Variants in SUV39H2 observed in about 807,000 individuals in gnomAD.
The protein encoded by SUV39H2 is SUV39H2 histone lysine methyltransferase.
In SUV39H2, 10 loss-of-function variants were observed where a neutral mutation model predicts 47.5. That is an observed-to-expected ratio of 0.21 (90% CI 0.13 to 0.36). SUV39H2 has a LOEUF of 0.36. Among genes scored for constraint, SUV39H2 ranks in the 10% least tolerant of loss-of-function variants. The pLI, the probability that SUV39H2 is intolerant of heterozygous loss-of-function variation, is 1.00. For missense variants in SUV39H2, 266 were observed against 487.4 expected (o/e 0.55, Z 4.28); for synonymous variants, 159 against 166.8 (o/e 0.95, Z 0.36).
chr10:14,902,727 T>C lies in SUV39H2; in HGVS notation c.*215T>C. ...ATGAAGTCGACATATTTATAGTGCT[T>C]AGAGACCAAACTAATGGAAGGCAGA... is the stretch of plus-strand genomic sequence containing the variant. On this transcript the variant is annotated 3_prime_UTR_variant, in exon 6 of 6. Transcript: ENST00000354919. 8.4e-6 allele frequency: 3 copies of C among 357,976 alleles called. No homozygotes were observed. Among genetic ancestry groups the C allele is most frequent in the South Asian group, 9.9e-5 (2 of 20,260 alleles). 22.2% of individuals were successfully genotyped at this position (357,976 alleles called of 1,614,324 possible).
Position 14,897,474 on chromosome 10 carries a change from T to C in SUV39H2, c.806T>C (p.Val269Ala). The C allele has an allele frequency of 6.3e-7, 1 of 1,586,324 alleles. No homozygotes were observed. Among genetic ancestry groups the C allele is most frequent in the Non-Finnish European group, 8.6e-7 (1 of 1,165,482 alleles). Reference sequence around the variant, plus strand: ...CGTGGCTGGGGTGTAAAGACCCTTGTGAAGATTAAAAGAATGAGTTTTGTC... The same window carrying C: ...CGTGGCTGGGGTGTAAAGACCCTTGCGAAGATTAAAAGAATGAGTTTTGTC... ...NGRGWGVKTL[V>A]KIKRMSFVME... The change falls in exon 3 of 6, where the codon GTG becomes GCG. Residue 269 changes from valine to alanine, a missense_variant. Val to Ala is a moderately conservative substitution (Grantham distance 64). Transcript: ENST00000354919.
chr10:14,887,927 G>A (rs553409851), intron 2 of SUV39H2, among the ~76,000 whole-genome samples: 4 of 152,286 alleles, frequency 2.6e-5, no homozygotes, highest in Admixed American at 2.0e-4. Context: ...GGATTTCGAG[G>A]CAGAAGACAG....
chr10:14,879,037 G>A (rs1832957583), intron 1 of SUV39H2, 118 bp downstream of exon 1: 2 of 1,319,042 alleles, frequency 1.5e-6, no homozygotes, highest in Non-Finnish European at 1.9e-6. Context: ...CCCGCCCGCC[G>A]CGACCCCAAC....
intron 2 of SUV39H2, among the ~76,000 whole-genome samples, chr10:14,885,800 A>T (rs1564335354): frequency 6.6e-6 from 1 of 152,104 alleles, no homozygotes; most frequent in Admixed American, 6.5e-5. Flanking sequence ...GAAGGATCTT[A>T]TGACCTTGTC....
intron 3 of SUV39H2, 181 bp downstream of exon 3, chr10:14,897,698 T>G: frequency 2.2e-6 from 1 of 448,546 alleles, no homozygotes; most frequent in Non-Finnish European, 3.6e-6. Flanking sequence ...AAAAAACTTT[T>G]ATATGAATAA....
chr10:14,882,926 C>G (rs891056757), intron 2 of SUV39H2, among the ~76,000 whole-genome samples: 76 of 150,174 alleles, frequency 5.1e-4, no homozygotes, highest in African/African-American at 1.6e-3. Flanking sequence ...GGAGTGCAGT[C>G]GTGCGATCTC....
chr10:14,888,050 C>T (rs922738626), intron 2 of SUV39H2, among the ~76,000 whole-genome samples: 3 of 152,178 alleles, frequency 2.0e-5, no homozygotes, highest in African/African-American at 7.2e-5. Context: ...CCAGAGTGTG[C>T]GGCTCCTCAT....
rs932781206 is a variant in SUV39H2 at position 14,902,619 on chromosome 10, A to G, written c.*107A>G. ...TATTATCAAGGTTCTACCTATGTTA[A>G]TTTACAATTCATGTTTCAAGACATT... On this transcript the variant is annotated 3_prime_UTR_variant, in exon 6 of 6. Coordinates refer to ENST00000354919, the MANE Select transcript of SUV39H2 (RefSeq NM_001193424.2). 1.4e-6 allele frequency: 1 copy of G among 700,288 alleles called. No individual in the cohort carries two copies. The highest frequency in any genetic ancestry group is 2.2e-6 in the Non-Finnish European group (1 of 448,714). 43.4% of individuals were successfully genotyped at this position (700,288 alleles called of 1,614,324 possible).
chr10:14,888,978 G>A (rs186649120), intron 2 of SUV39H2, among the ~76,000 whole-genome samples: 11 of 151,924 alleles, frequency 7.2e-5, no homozygotes, highest in South Asian at 6.2e-4. Context: ...TGGCACATTC[G>A]TGTCATCCCA....
At chr10:14,895,541 T>G (rs533919151) in intron 2 of SUV39H2, among the ~76,000 whole-genome samples, 77 of 152,288 alleles carry the variant, frequency 5.1e-4, no homozygotes, top group African/African-American at 1.8e-3. Flanking sequence ...GAAAACATAG[T>G]CATTGGAGTG....
intron 2 of SUV39H2, among the ~76,000 whole-genome samples, chr10:14,892,640 C>T (rs1205629939): frequency 6.6e-6 from 1 of 151,992 alleles, no homozygotes. Context: ...GGTGATAATG[C>T]CTTAGGTTGC....
intron 2 of SUV39H2, 76 bp from the exon 3 acceptor site, chr10:14,896,770 T>G: frequency 2.3e-6 from 3 of 1,313,898 alleles, no homozygotes; most frequent in Non-Finnish European, 3.1e-6. Context: ...CCTTACTCTT[T>G]AAGATTTTTA....
chr10:14,885,498 T>C (rs1833179440), intron 2 of SUV39H2, among the ~76,000 whole-genome samples: 1 of 152,256 alleles, frequency 6.6e-6, no homozygotes, highest in Admixed American at 6.5e-5. Context: ...CTTACGGGTC[T>C]GTGCTTACAT....
At chr10:14,901,586 C>G (rs1487026522) in intron 5 of SUV39H2, among the ~76,000 whole-genome samples, 2 of 150,408 alleles carry the variant, frequency 1.3e-5, no homozygotes, top group Admixed American at 1.3e-4. Context: ...CATGCTGGCT[C>G]CTGCCTGTAA....
intron 2 of SUV39H2, among the ~76,000 whole-genome samples, chr10:14,886,566 A>G (rs543760107): frequency 3.3e-5 from 5 of 152,346 alleles, no homozygotes; most frequent in African/African-American, 9.6e-5. Flanking sequence ...TCTAGGGCCT[A>G]CATTCACTAT....
intron 2 of SUV39H2, among the ~76,000 whole-genome samples, chr10:14,891,245 G>T (rs990254127): frequency 6.6e-6 from 1 of 152,134 alleles, no homozygotes; most frequent in Non-Finnish European, 1.5e-5. Flanking sequence ...AGCAGCAGGG[G>T]CATCAAAAGG....
At position 14,903,266 on chromosome 10, in the gene SUV39H2, C is replaced by G. The variant is rs1345300008; in HGVS notation, c.*754C>G. ...CTTTGAAAGGACATGATAATGGGAC[C>G]AGGATGGTTTTTTGGAGTACCAAGC... is the stretch of plus-strand genomic sequence containing the variant. On this transcript the variant is annotated 3_prime_UTR_variant, in exon 6 of 6. Transcript: ENST00000354919. 1 of 152,056 alleles carries G rather than the reference C, an allele frequency of 6.6e-6. No individual in the cohort carries two copies. The highest frequency in any genetic ancestry group is 1.9e-4 in the East Asian group (1 of 5,180). 9.4% of individuals were successfully genotyped at this position (152,056 alleles called of 1,614,324 possible).
At chr10:14,886,773 A>G (rs1365838264) in intron 2 of SUV39H2, among the ~76,000 whole-genome samples, 3 of 152,256 alleles carry the variant, frequency 2.0e-5, no homozygotes, top group African/African-American at 4.8e-5. Flanking sequence ...CTAGTGAGAA[A>G]GTTTGACAAA....
At chr10:14,888,683 A>G (rs780732854) in intron 2 of SUV39H2, among the ~76,000 whole-genome samples, 14 of 152,112 alleles carry the variant, frequency 9.2e-5, no homozygotes, top group Non-Finnish European at 1.8e-4. Flanking sequence ...GGAACCAGAG[A>G]AAAGATGATG....
Sources: gnomAD v4.1 joint callset for allele counts (sites outside exome capture counted in the v4.1 genomes callset) on GRCh38, gnomAD v4.1.1 for gene constraint, MANE v1.5 for transcripts, NCBI Gene and HGNC (gene_info 2026-07-23, HGNC 2026-07-21) for gene names.